Variants in CIROZ observed in about 807,000 individuals in gnomAD.
CIROZ encodes the protein ciliated left-right organizer ZP-N domains-containing protein.
chr1:10,948,527 T>C, the CIROZ span: 18 of 1,614,006 alleles, frequency 1.1e-5, no homozygotes, highest in Non-Finnish European at 1.4e-5. Context: ...GGGTGACAGA[T>C]GGTCCTGAGA....
chr1:10,953,508 G>A, the CIROZ span, among the ~76,000 whole-genome samples: 3 of 152,158 alleles, frequency 2.0e-5, no homozygotes, highest in South Asian at 2.1e-4. Context: ...GCATCGTGTC[G>A]TGCTCTTTGC....
chr1:10,965,862 C>T, the CIROZ span, among the ~76,000 whole-genome samples: 8 of 151,740 alleles, frequency 5.3e-5, no homozygotes, highest in Non-Finnish European at 1.0e-4. Context: ...AAATATCTTG[C>T]TTCTGTAAAT....
the CIROZ span, chr1:10,947,775 GCC>G: frequency 6.3e-7 from 1 of 1,597,372 alleles, no homozygotes; most frequent in Non-Finnish European, 8.6e-7. Context: ...CTGGAGTGAG[GCC>G]CCCCGGCCAG....
the CIROZ span, among the ~76,000 whole-genome samples, chr1:10,963,496 G>A: frequency 1.3e-5 from 2 of 151,946 alleles, no homozygotes; most frequent in African/African-American, 2.4e-5. Context: ...TTTCTGTGGC[G>A]GGTTTGGTCC....
the CIROZ span, chr1:10,966,446 A>G: frequency 6.5e-7 from 1 of 1,536,674 alleles, no homozygotes; most frequent in East Asian, 2.4e-5. Flanking sequence ...ACATTTAGCA[A>G]GAGAAGAATC....
At chr1:10,954,461 A>C in the CIROZ span, among the ~76,000 whole-genome samples, 1 of 132,310 alleles carries the variant, frequency 7.6e-6, no homozygotes, top group African/African-American at 3.0e-5. Context: ...CTCAAAAAAA[A>C]AAAAAAGAAA....
the CIROZ span, among the ~76,000 whole-genome samples, chr1:10,960,289 A>T: frequency 2.8e-4 from 42 of 152,302 alleles, no homozygotes; most frequent in African/African-American, 1.0e-3. The surrounding 1 kb of genome is among the most constrained non-coding windows in gnomAD (Gnocchi z 4.6). Flanking sequence ...CTGTAGTCCC[A>T]GCTACTCAGG....
the CIROZ span, chr1:10,948,426 T>G: frequency 6.2e-7 from 1 of 1,613,136 alleles, no homozygotes; most frequent in African/African-American, 1.3e-5. Flanking sequence ...TGCAGCCACA[T>G]CCCCGCTTGA....
chr1:10,961,596 G>A, the CIROZ span, among the ~76,000 whole-genome samples: 1 of 152,146 alleles, frequency 6.6e-6, no homozygotes, highest in Non-Finnish European at 1.5e-5. Flanking sequence ...TGCCTTGGTC[G>A]TATCTGTTCC....
At chr1:10,956,416 G>A in the CIROZ span, among the ~76,000 whole-genome samples, 6 of 151,962 alleles carry the variant, frequency 3.9e-5, no homozygotes, top group Non-Finnish European at 1.5e-5. Context: ...TCTGGAGCCA[G>A]CTTAGGAGCT....
the CIROZ span, among the ~76,000 whole-genome samples, chr1:10,951,372 C>T: frequency 6.6e-6 from 1 of 152,006 alleles, no homozygotes; most frequent in Non-Finnish European, 1.5e-5. Context: ...TAAGACCAGC[C>T]TGATCAACAT....
chr1:10,980,612 C>T, the CIROZ span, among the ~76,000 whole-genome samples: 6,221 of 152,286 alleles, frequency 0.041, 446 homozygotes, highest in African/African-American at 0.14. Flanking sequence ...TGCTGAGTCC[C>T]GGCCTTGCCA....
the CIROZ span, among the ~76,000 whole-genome samples, chr1:10,969,174 G>A: frequency 6.6e-6 from 1 of 152,176 alleles, no homozygotes; most frequent in African/African-American, 2.4e-5. Context: ...GGTGAGATTG[G>A]AAAGCCTCCC....
the CIROZ span, among the ~76,000 whole-genome samples, chr1:10,956,799 C>T: frequency 2.6e-5 from 4 of 151,962 alleles, no homozygotes; most frequent in South Asian, 2.1e-4. Flanking sequence ...TTTTATTCAC[C>T]CCACATCCCA....
chr1:10,975,276 CAT>C, the CIROZ span, among the ~76,000 whole-genome samples: 6 of 152,022 alleles, frequency 3.9e-5, no homozygotes, highest in African/African-American at 1.4e-4. Context: ...CGTGGTGGCT[CAT>C]GCCTATAATC....
chr1:10,947,839 G>A, the CIROZ span: 4 of 1,601,952 alleles, frequency 2.5e-6, no homozygotes, highest in Non-Finnish European at 3.4e-6. Flanking sequence ...ACTCCTGTGG[G>A]AGCCCACAGG....
the CIROZ span, chr1:10,948,170 C>T: frequency 1.5e-4 from 237 of 1,613,706 alleles, 1 homozygote; most frequent in African/African-American, 2.6e-3. Context: ...TGGAGAGTCC[C>T]GGCCCCTCTA....
the CIROZ span, among the ~76,000 whole-genome samples, chr1:10,963,429 C>G: frequency 6.6e-6 from 1 of 152,136 alleles, no homozygotes; most frequent in Non-Finnish European, 1.5e-5. Flanking sequence ...ACCCAGCTGA[C>G]TAAATGAAGG....
At chr1:10,953,362 CT>C in the CIROZ span, among the ~76,000 whole-genome samples, 1 of 152,218 alleles carries the variant, frequency 6.6e-6, no homozygotes, top group South Asian at 2.1e-4. Flanking sequence ...ATGGATTTTG[CT>C]CCTGGTGGTT....
Sources: gnomAD v4.1 joint callset for allele counts (sites outside exome capture counted in the v4.1 genomes callset) on GRCh38, gnomAD v4.1.1 for gene constraint, Gnocchi (gnomAD v3.1) non-coding constraint, MANE v1.5 for transcripts, NCBI Gene and HGNC (gene_info 2026-07-23, HGNC 2026-07-21) for gene names.